The following BMPR2 variants were observed in gnomAD, a reference collection of about 807,000 sequenced individuals.
BMPR2 encodes the protein bone morphogenetic protein receptor type 2.
Under a neutral mutation model 100.8 loss-of-function variants are expected in BMPR2, and 29 were observed. The ratio of observed to expected loss-of-function variants is 0.29; its 90% CI spans 0.21 to 0.39. The LOEUF (loss-of-function observed/expected upper bound fraction) is 0.39, where lower values mean the gene tolerates loss of function less well. Ranked by LOEUF, BMPR2 falls within the 10% of genes least tolerant of loss-of-function variation. The probability of loss-of-function intolerance (pLI) is 1.00; values close to 1 mark genes in which losing one functional copy is unlikely to be tolerated. For missense variants in BMPR2, 1,011 were observed against 1,274.5 expected (o/e 0.79, Z 3.15); for synonymous variants, 382 against 442.3 (o/e 0.86, Z 1.71).
In BMPR2 at chr2:202,464,906, A is replaced by G. The variant is rs752005716; in HGVS notation, c.174A>G (p.Ile58Met). 2.5e-6 allele frequency: 4 copies of G among 1,614,152 alleles called. No individual in the cohort carries two copies. The highest frequency in any genetic ancestry group is 3.4e-6 in the Non-Finnish European group (4 of 1,180,008). The change falls in exon 2 of 13, where the codon ATA becomes ATG. Residue 58 changes from isoleucine (I) to methionine (M), a missense_variant. Coordinates refer to ENST00000374580, the MANE Select transcript of BMPR2 (RefSeq NM_001204.7). ...ESRISHENGT[I>M]LCSKGSTCYG... The stretch of plus-strand genomic sequence containing the variant: ...GAATCTCTCATGAAAATGGGACAAT[A>G]TTATGCTCGAAAGGTAGCACCTGCT...
chr2:202,406,161 A>G (rs1029076717), intron 1 of BMPR2, among the ~76,000 whole-genome samples: 1 of 152,230 alleles, frequency 6.6e-6, no homozygotes, highest in Admixed American at 6.5e-5. Context: ...TTATGTTATT[A>G]TATCCAGCAT....
intron 1 of BMPR2, among the ~76,000 whole-genome samples, chr2:202,401,716 T>C (rs752192074): frequency 2.0e-5 from 3 of 152,202 alleles, no homozygotes; most frequent in Non-Finnish European, 2.9e-5. Context: ...TTAACAAATA[T>C]AGTGGACAAA....
At chr2:202,469,091 C>T (rs1053557483) in intron 3 of BMPR2, among the ~76,000 whole-genome samples, 3 of 152,070 alleles carry the variant, frequency 2.0e-5, no homozygotes, top group African/African-American at 7.2e-5. Flanking sequence ...AGTGCAATGG[C>T]ACGATCTCGG....
intron 1 of BMPR2, among the ~76,000 whole-genome samples, chr2:202,388,409 A>AAAAC (rs1344185981): frequency 2.0e-5 from 3 of 150,506 alleles, no homozygotes; most frequent in African/African-American, 7.3e-5. Context: ...AAAAAAAAAA[A>AAAAC]AAAAAAAAAA....
chr2:202,433,341 G>GA (rs1281996376), intron 1 of BMPR2, among the ~76,000 whole-genome samples: 3 of 150,384 alleles, frequency 2.0e-5, no homozygotes, highest in Non-Finnish European at 4.4e-5. Flanking sequence ...TGCATATTAT[G>GA]AAAAAACTCT....
At chr2:202,420,448 T>G (rs1691233049) in intron 1 of BMPR2, among the ~76,000 whole-genome samples, 1 of 152,052 alleles carries the variant, frequency 6.6e-6, no homozygotes, top group South Asian at 2.1e-4. Context: ...TGGGTTTAAG[T>G]TGAAGGATGA....
chr2:202,554,907 C>T (rs908290924), intron 11 of BMPR2, among the ~76,000 whole-genome samples: 4 of 152,080 alleles, frequency 2.6e-5, no homozygotes, highest in African/African-American at 9.7e-5. Flanking sequence ...TAAAACATAA[C>T]GTCTGGTTGT....
intron 7 of BMPR2, among the ~76,000 whole-genome samples, chr2:202,528,607 C>T (rs1156551220): frequency 6.6e-6 from 1 of 152,236 alleles, no homozygotes; most frequent in Non-Finnish European, 1.5e-5. Context: ...TTAGCCTAAA[C>T]TATCTTAAAT....
In BMPR2 at chr2:202,531,044, T is replaced by C. The variant is rs1051061464; in HGVS notation, c.1128+90T>C. 7.3e-6 allele frequency: 11 copies of C among 1,501,846 alleles called. No individual in the cohort carries two copies. In the African/African-American group the frequency reaches 1.5e-4, roughly 21 times the overall value. 93.0% of individuals were successfully genotyped at this position (1,501,846 alleles called of 1,614,324 possible). ...CTGGCCAGGTGTGGTGGCTCACGCC[T>C]GTAATCCCAGCACTTTGGTAGGCCC... On this transcript the variant is annotated intron_variant, in intron 8 of 12. Transcript: ENST00000374580.
At chr2:202,538,793 C>CAAA (rs34853164) in intron 9 of BMPR2, among the ~76,000 whole-genome samples, 2 of 60,286 alleles carry the variant, frequency 3.3e-5, no homozygotes, top group Non-Finnish European at 6.6e-5. Flanking sequence ...GACTCTGTCT[C>CAAA]AAAAAAAAAA....
intron 1 of BMPR2, among the ~76,000 whole-genome samples, chr2:202,420,844 G>A (rs1250066714): frequency 6.6e-6 from 1 of 151,754 alleles, no homozygotes; most frequent in Non-Finnish European, 1.5e-5. Context: ...ACCACGCCCA[G>A]CCAGGATGAG....
At chr2:202,419,740 G>C (rs1270173147) in intron 1 of BMPR2, among the ~76,000 whole-genome samples, 1 of 152,134 alleles carries the variant, frequency 6.6e-6, no homozygotes, top group Admixed American at 6.6e-5. Flanking sequence ...TAAATGTTTA[G>C]AGTGTCAAAT....
At chr2:202,388,798 A>T (rs532496592) in intron 1 of BMPR2, among the ~76,000 whole-genome samples, 36 of 152,108 alleles carry the variant, frequency 2.4e-4, no homozygotes, top group Admixed American at 9.8e-4. Flanking sequence ...AAAAAAAAAA[A>T]AAAAGCAAGA....
rs762746699 is a variant in BMPR2 at position 202,552,847 on chromosome 2, C to T, written c.1545C>T (p.Ser515=). Residue 515 remains serine, a synonymous_variant, in exon 11 of 13, where the codon AGC becomes AGT. Transcript: ENST00000374580. ...MMIWERNKSV[S]PTVNPMSTAM... is the part of the protein sequence containing the mutation. Reference sequence around the variant, plus strand: ...TTTGGGAAAGAAACAAATCTGTGAGCCCAACAGTCAATCCAATGTCTACTG... The same window carrying T: ...TTTGGGAAAGAAACAAATCTGTGAGTCCAACAGTCAATCCAATGTCTACTG... The T allele has an allele frequency of 2.7e-5, 44 of 1,614,000 alleles. No homozygotes were observed. The highest frequency in any genetic ancestry group is 3.6e-5 in the Non-Finnish European group (43 of 1,180,022).
At chr2:202,484,762 C>A (rs1199879880) in intron 3 of BMPR2, among the ~76,000 whole-genome samples, 1 of 151,338 alleles carries the variant, frequency 6.6e-6, no homozygotes, top group African/African-American at 2.4e-5. Context: ...GTCTGGAGAT[C>A]GAGACCGTCC....
Position 202,555,541 on chromosome 2 carries a change from A to G in BMPR2, c.1876A>G (p.Met626Val). ...CACAGGACTCACGCCAAGTACTGGC[A>G]TGACTACTATATCTGAGATGCCATA... ...NTTGLTPSTG[M>V]TTISEMPYPD... Residue 626 changes from methionine to valine, a missense_variant, in exon 12 of 13, where the codon ATG (methionine) becomes GTG (valine). By Grantham distance (21) the Met-to-Val change is conservative. Around this residue, in one of 6 missense-constraint regions of BMPR2, gnomAD observed 508 missense variants for 552.0 expected, o/e 0.92. Transcript: ENST00000374580. 6.2e-7 allele frequency: 1 copy of G among 1,614,202 alleles called. No individual in the cohort carries two copies. The highest frequency in any genetic ancestry group is 8.5e-7 in the Non-Finnish European group (1 of 1,180,038).
At chr2:202,500,729 C>T (rs2105990683) in intron 3 of BMPR2, among the ~76,000 whole-genome samples, 1 of 152,330 alleles carries the variant, frequency 6.6e-6, no homozygotes, top group Middle Eastern at 3.4e-3. Flanking sequence ...AGATCTTAGA[C>T]TCATTAATGA....
rs776464467 is a variant in BMPR2 at position 202,436,150 on chromosome 2, C to G, written c.77-28659C>G. On this transcript the variant is annotated intron_variant, in intron 1 of 12. Transcript: ENST00000374580. ...ATAGTGATAATAAACCGGCCATTTT[C>G]ATGAAAACTTAGTTTTATCTTGGCT... Among the ~76,000 whole-genome samples, 14 of 150,922 alleles carry G rather than the reference C, an allele frequency of 9.3e-5. No individual in the cohort carries two copies. The Middle Eastern group carries it at 0.01, about 110-fold the overall frequency.
intron 3 of BMPR2, among the ~76,000 whole-genome samples, chr2:202,487,440 C>A (rs1692801795): frequency 1.3e-5 from 2 of 152,084 alleles, no homozygotes; most frequent in African/African-American, 2.4e-5. Flanking sequence ...GTCTTTATAT[C>A]ACTAATAAAT....
Sources: allele counts gnomAD v4.1 joint callset (sites outside exome capture counted in the v4.1 genomes callset), GRCh38; gene constraint gnomAD v4.1.1; regional missense constraint gnomAD v4.1.1; transcripts MANE v1.5; gene names NCBI Gene and HGNC (gene_info 2026-07-23, HGNC 2026-07-21).